ZNRF3: variants seen among roughly 807,000 people sequenced by gnomAD.
ZNRF3 encodes E3 ubiquitin-protein ligase ZNRF3.
ZNRF3 carries 23 observed loss-of-function variants against 72.5 expected under a neutral mutation model. That is an observed-to-expected ratio of 0.32 (90% CI 0.23 to 0.45). The LOEUF (loss-of-function observed/expected upper bound fraction) is 0.45. Among genes scored for constraint, ZNRF3 ranks in the 20% least tolerant of loss-of-function variants. The probability of loss-of-function intolerance (pLI) is 1.00; values close to 1 mark genes in which losing one functional copy is unlikely to be tolerated. For synonymous variants in ZNRF3, 610 were observed against 545.3 expected (o/e 1.12, Z -1.65); for missense variants, 1,169 against 1,272.1 (o/e 0.92, Z 1.23).
intron 2 of ZNRF3, among the ~76,000 whole-genome samples, chr22:29,015,235 G>A (rs1011261908): frequency 2.0e-5 from 3 of 152,198 alleles, no homozygotes; most frequent in Non-Finnish European, 4.4e-5. Context: ...TATGTGATAC[G>A]AAAGGATGTA....
chr22:28,985,153 T>C (rs1383467608), intron 1 of ZNRF3, among the ~76,000 whole-genome samples: 7 of 152,188 alleles, frequency 4.6e-5, no homozygotes, highest in Non-Finnish European at 8.8e-5. Context: ...AGTCCAAGAA[T>C]ACCACTGCTC....
At position 29,012,279 on chromosome 22, in the gene ZNRF3, T is replaced by G. The variant is rs138352993; in HGVS notation, c.426+25078T>G. Reference sequence around the variant, plus strand: ...GTGGAGCCCTCTTATCTCCTCAGCCTTCTATTTGGGTCTTCACTATTGGAT... The same window carrying G: ...GTGGAGCCCTCTTATCTCCTCAGCCGTCTATTTGGGTCTTCACTATTGGAT... On this transcript the variant is annotated intron_variant, in intron 2 of 8. Coordinates refer to ENST00000544604, the MANE Select transcript of ZNRF3 (RefSeq NM_001206998.2). 7.3e-3 allele frequency among the ~76,000 whole-genome samples: 1,114 copies of G among 152,316 alleles called. 20 individuals carry two copies. Among genetic ancestry groups the G allele is most frequent in the African/African-American group, 0.026 (1,076 of 41,574 alleles).
rs773507153 is a variant in ZNRF3 at position 28,907,295 on chromosome 22, A to G, written c.300+23229A>G. On this transcript the variant is annotated intron_variant, in intron 1 of 8. Coordinates refer to ENST00000544604, the MANE Select transcript of ZNRF3 (RefSeq NM_001206998.2). ...GGCATGAGCCACCGTGCCTGGCCAC[A>G]TGGAGTCATTTTCACATAAAATGCC... Among the ~76,000 whole-genome samples the G allele has an allele frequency of 6.3e-4, 96 of 152,202 alleles. 1 individual carries two copies. Among genetic ancestry groups the G allele is most frequent in the Admixed American group, 3.5e-3 (53 of 15,288 alleles).
intron 1 of ZNRF3, among the ~76,000 whole-genome samples, chr22:28,931,678 C>T (rs1056511367): frequency 2.6e-5 from 4 of 152,172 alleles, no homozygotes; most frequent in East Asian, 1.9e-4. Context: ...CCTACCCATC[C>T]GTCTGTCCAT....
In ZNRF3 at chr22:29,053,631, G is replaced by A; in HGVS notation, c.*9G>A. 1 of 1,612,660 alleles carries A rather than the reference G, an allele frequency of 6.2e-7. No homozygotes were observed. The highest frequency in any genetic ancestry group is 8.5e-7 in the Non-Finnish European group (1 of 1,179,234). On this transcript the variant is annotated 3_prime_UTR_variant, in exon 9 of 9. Coordinates refer to ENST00000544604, the MANE Select transcript of ZNRF3 (RefSeq NM_001206998.2). ...GCAGCCCGGGAGCCTGAGCTCAGGAGGAACTCTTACCTGGAAATTGGGAAC... is the reference window on the plus strand; with the variant it reads ...GCAGCCCGGGAGCCTGAGCTCAGGAAGAACTCTTACCTGGAAATTGGGAAC...
intron 2 of ZNRF3, among the ~76,000 whole-genome samples, chr22:28,990,120 C>T (rs576087902): frequency 9.9e-5 from 15 of 152,206 alleles, no homozygotes; most frequent in Non-Finnish European, 1.6e-4. Flanking sequence ...CAGGCCAGGG[C>T]GCCAGGCCAG....
chr22:28,913,450 C>T (rs1001607285), intron 1 of ZNRF3, among the ~76,000 whole-genome samples: 9 of 151,974 alleles, frequency 5.9e-5, no homozygotes, highest in African/African-American at 1.9e-4. Flanking sequence ...AGTTTAGGGT[C>T]TGCACTGGTT....
chr22:28,884,065 A>T lies in ZNRF3; in HGVS notation c.299A>T (p.Gln100Leu). 8.4e-7 allele frequency: 1 copy of T among 1,194,522 alleles called. No individual in the cohort carries two copies. 74.0% of individuals were successfully genotyped at this position (1,194,522 alleles called of 1,614,324 possible). A position where few individuals can be genotyped will look rare whatever the true frequency, so the allele number is the denominator to read the frequency against. Residue 100 changes from glutamine (Q) to leucine (L), a missense_variant and splice_region_variant, in exon 1 of 9, where the codon CAG becomes CTG. Physicochemically the swap from Gln to Leu is moderately radical, Grantham distance 113. Transcript: ENST00000544604. ...CTCAGCGCCGAGGGCGAGATCGTGC[A>T]GGTAGCTGCCCGCCGCCCGGGCCCC... ...ATLSAEGEIVQMHPLGLCNNN... is the reference protein window; with the variant it reads ...ATLSAEGEIVLMHPLGLCNNN...
rs1032196947 is a variant in ZNRF3 at position 28,941,779 on chromosome 22, C to T, written c.301-45297C>T. Among the ~76,000 whole-genome samples the T allele has an allele frequency of 3.9e-5, 6 of 151,908 alleles. 1 individual carries two copies. In the South Asian group the frequency reaches 6.2e-4, roughly 16 times the overall value. On this transcript the variant is annotated intron_variant, in intron 1 of 8. Transcript: ENST00000544604. ...TACAAAAATTAGCTGGGCGTGGTGGCGCATGCCTGTAATCCCAGCTACTCG... is the reference window on the plus strand; with the variant it reads ...TACAAAAATTAGCTGGGCGTGGTGGTGCATGCCTGTAATCCCAGCTACTCG...
At chr22:28,902,246 T>G (rs2034121987) in intron 1 of ZNRF3, among the ~76,000 whole-genome samples, 1 of 152,226 alleles carries the variant, frequency 6.6e-6, no homozygotes, top group Admixed American at 6.5e-5. Flanking sequence ...AAGTTAACTT[T>G]CATTCACCTG....
chr22:28,978,234 A>C (rs1012598208), intron 1 of ZNRF3, among the ~76,000 whole-genome samples: 2 of 152,206 alleles, frequency 1.3e-5, no homozygotes, highest in Non-Finnish European at 2.9e-5. Flanking sequence ...TCTAGAGGTT[A>C]TATCTGTATC....
intron 1 of ZNRF3, among the ~76,000 whole-genome samples, chr22:28,985,771 G>A (rs780292309): frequency 6.6e-6 from 1 of 152,204 alleles, no homozygotes; most frequent in South Asian, 2.1e-4. Context: ...GGGTGTATTA[G>A]TTTCCTATTT....
chr22:28,950,683 A>G (rs919324082), intron 1 of ZNRF3, among the ~76,000 whole-genome samples: 2 of 152,192 alleles, frequency 1.3e-5, no homozygotes, highest in African/African-American at 4.8e-5. Flanking sequence ...GATACTCCTT[A>G]TACTTAGAAC....
chr22:28,957,802 A>T (rs2035286410), intron 1 of ZNRF3, among the ~76,000 whole-genome samples: 1 of 152,084 alleles, frequency 6.6e-6, no homozygotes, highest in Non-Finnish European at 1.5e-5. Context: ...TTGAGACTGT[A>T]CCGTGATTAG....
At chr22:28,977,586 C>T (rs554410194) in intron 1 of ZNRF3, among the ~76,000 whole-genome samples, 5 of 152,222 alleles carry the variant, frequency 3.3e-5, no homozygotes, top group South Asian at 2.1e-4. Flanking sequence ...CTACCCTGGC[C>T]GACAGTGGCA....
rs545505117 is a variant in ZNRF3, at chr22:28,984,560, A to G, written c.301-2516A>G. Among the ~76,000 whole-genome samples the G allele has an allele frequency of 2.0e-5, 3 of 152,166 alleles. No individual in the cohort carries two copies. In the East Asian group the frequency reaches 5.8e-4, roughly 29 times the overall value. On this transcript the variant is annotated intron_variant, in intron 1 of 8. Transcript: ENST00000544604. ...ACCAAAAGCAGCCATTCATCTGGAA[A>G]CCTCCAAGTTGTGTGGCCAGGTTAA...
At chr22:29,045,773 G>A (rs755014937) in intron 5 of ZNRF3, among the ~76,000 whole-genome samples, 41 of 152,188 alleles carry the variant, frequency 2.7e-4, no homozygotes, top group Non-Finnish European at 4.4e-4. Flanking sequence ...CACCACGCCC[G>A]TCCCAAAGGA....
intron 1 of ZNRF3, chr22:28,986,767 AT>A: frequency 3.3e-6 from 2 of 599,354 alleles, no homozygotes; most frequent in Non-Finnish European, 4.2e-6. Context: ...TTAGATTGGC[AT>A]TTATATGGGA....
At chr22:28,938,818 C>T (rs1159233233) in intron 1 of ZNRF3, among the ~76,000 whole-genome samples, 1 of 152,070 alleles carries the variant, frequency 6.6e-6, no homozygotes, top group Non-Finnish European at 1.5e-5. Context: ...AGATGGGTTT[C>T]GGATACCTTA....
Sources: allele counts gnomAD v4.1 joint callset (sites outside exome capture counted in the v4.1 genomes callset), GRCh38; gene constraint gnomAD v4.1.1; transcripts MANE v1.5; gene names NCBI Gene and HGNC (gene_info 2026-07-23, HGNC 2026-07-21).